TMC1: variants seen among roughly 807,000 people sequenced by gnomAD.
TMC1 encodes transmembrane channel-like protein 1.
TMC1 carries 84 observed loss-of-function variants against 105.8 expected under a neutral mutation model. The observed-to-expected ratio is 0.79, with a 90% CI of 0.67 to 0.95. The LOEUF is 0.95. TMC1 is among the 40% of genes least tolerant of loss of function. TMC1 has a pLI of 0.00. For missense variants in TMC1, 817 were observed against 914.1 expected, an observed-to-expected ratio of 0.89 and a Z score of 1.37; for synonymous variants, 315 against 311.5, an observed-to-expected ratio of 1.01 and a Z score of -0.12.
chr9:72,814,008 C>CT (rs1380779170), intron 18 of TMC1, among the ~76,000 whole-genome samples: 1 of 152,146 alleles, frequency 6.6e-6, no homozygotes, highest in Non-Finnish European at 1.5e-5. Context: ...GTCCTTTATG[C>CT]TTTTCTAGTC....
At chr9:72,547,455 A>C (rs1823791561) in intron 1 of TMC1, among the ~76,000 whole-genome samples, 1 of 152,164 alleles carries the variant, frequency 6.6e-6, no homozygotes, top group Non-Finnish European at 1.5e-5. Flanking sequence ...TTTGACTTTT[A>C]CCTGAACACT....
chr9:72,611,542 TTGTC>T (rs1825024524), intron 2 of TMC1, among the ~76,000 whole-genome samples: 1 of 151,922 alleles, frequency 6.6e-6, no homozygotes, highest in Non-Finnish European at 1.5e-5. Context: ...TCTTTCAAAA[TTGTC>T]TGTTAGTGCT....
At chr9:72,590,789 T>C (rs1824626501) in intron 2 of TMC1, among the ~76,000 whole-genome samples, 1 of 152,160 alleles carries the variant, frequency 6.6e-6, no homozygotes, top group Admixed American at 6.5e-5. Flanking sequence ...ATATAATTTA[T>C]TGTTGCAAAC....
At chr9:72,772,587 A>G (rs752447170) in intron 13 of TMC1, 32 bp downstream of exon 13, 3 of 1,613,210 alleles carry the variant, frequency 1.9e-6, no homozygotes, top group Non-Finnish European at 2.5e-6. Flanking sequence ...GGAAGCAAAT[A>G]ATGATTTCTG....
At chr9:72,697,018 T>C (rs1312544290) in intron 7 of TMC1, among the ~76,000 whole-genome samples, 1 of 152,174 alleles carries the variant, frequency 6.6e-6, no homozygotes, top group Admixed American at 6.6e-5. Flanking sequence ...GTAACTTATG[T>C]GTCAACAACT....
intron 7 of TMC1, among the ~76,000 whole-genome samples, chr9:72,697,774 G>A (rs1193750395): frequency 6.6e-6 from 1 of 151,980 alleles, no homozygotes; most frequent in Admixed American, 6.6e-5. Flanking sequence ...GAATTATTTT[G>A]AAATGGTTGG....
intron 4 of TMC1, among the ~76,000 whole-genome samples, chr9:72,647,178 C>A (rs982424478): frequency 2.0e-5 from 3 of 150,306 alleles, no homozygotes; most frequent in African/African-American, 7.3e-5. Flanking sequence ...AAAGAAAATG[C>A]TCTGTCAGTG....
chr9:72,594,869 C>CTT (rs141277773), intron 2 of TMC1, among the ~76,000 whole-genome samples: 2 of 143,814 alleles, frequency 1.4e-5, no homozygotes, highest in Non-Finnish European at 3.1e-5. Flanking sequence ...TCTTCTTCTT[C>CTT]TTTTTTTTTT....
chr9:72,550,732 G>GGTGT (rs1374976216), intron 1 of TMC1, among the ~76,000 whole-genome samples: 1 of 151,810 alleles, frequency 6.6e-6, no homozygotes, highest in African/African-American at 2.4e-5. Flanking sequence ...AAGGCTGGTG[G>GGTGT]GTGTGGTAGG....
At chr9:72,572,287 C>T (rs1824301527) in intron 1 of TMC1, among the ~76,000 whole-genome samples, 1 of 151,988 alleles carries the variant, frequency 6.6e-6, no homozygotes, top group African/African-American at 2.4e-5. Context: ...TCCCCTGCCT[C>T]CCAGGTGCAA....
At chr9:72,823,849 G>C (rs532031102) in intron 20 of TMC1, among the ~76,000 whole-genome samples, 1 of 152,096 alleles carries the variant, frequency 6.6e-6, no homozygotes, top group African/African-American at 2.4e-5. Context: ...ATGTGTTTAT[G>C]CTAGAAAACC....
At chr9:72,539,236 A>G (rs888577782) in intron 1 of TMC1, among the ~76,000 whole-genome samples, 1 of 151,156 alleles carries the variant, frequency 6.6e-6, no homozygotes, top group Non-Finnish European at 1.5e-5. Context: ...TACAAAAAAA[A>G]AACAACAACA....
Position 72,725,936 on chromosome 9 carries a change from C to T in TMC1, c.363-14183C>T, listed in dbSNP as rs556099323. 6.6e-5 allele frequency among the ~76,000 whole-genome samples: 10 copies of T among 152,052 alleles called. No individual in the cohort carries two copies. In the South Asian group the frequency reaches 1.0e-3, roughly 16 times the overall value. On this transcript the variant is annotated intron_variant, in intron 8 of 23. Coordinates refer to ENST00000297784, the MANE Select transcript of TMC1 (RefSeq NM_138691.3). ...CGATCTCCTGACCTCGTGATCCACC[C>T]GCCTCAGCCTCCCAAAGTGCTGGGA...
intron 5 of TMC1, among the ~76,000 whole-genome samples, chr9:72,683,974 A>C (rs1826336099): frequency 6.6e-6 from 1 of 150,862 alleles, no homozygotes; most frequent in South Asian, 2.1e-4. Flanking sequence ...CATACTTTTG[A>C]ATTGCTATAG....
intron 13 of TMC1, among the ~76,000 whole-genome samples, chr9:72,780,040 C>A (rs572673398): frequency 1.3e-5 from 2 of 152,188 alleles, no homozygotes; most frequent in East Asian, 3.9e-4. Context: ...ATAAAAAGAA[C>A]CCATCACACT....
At chr9:72,585,048 G>C (rs1483132288) in intron 2 of TMC1, among the ~76,000 whole-genome samples, 1 of 151,766 alleles carries the variant, frequency 6.6e-6, no homozygotes, top group African/African-American at 2.4e-5. Flanking sequence ...ACCTCCCAAA[G>C]TGCTGGGATT....
At position 72,717,133 on chromosome 9, in the gene TMC1, T is replaced by C. The variant is rs146645519; in HGVS notation, c.362+16490T>C. On this transcript the variant is annotated intron_variant, in intron 8 of 23. Coordinates refer to ENST00000297784, the MANE Select transcript of TMC1 (RefSeq NM_138691.3). ...CAATGAAATGAACTGGGTACCTCAG[T>C]TGGAAATGCAGAAATCACCCACCTT... Among the ~76,000 whole-genome samples the C allele has an allele frequency of 4.5e-3, 680 of 152,314 alleles. 4 individuals carry two copies. The highest frequency in any genetic ancestry group is 0.016 in the African/African-American group (655 of 41,578).
At chr9:72,821,311 C>T (rs879665915) in intron 20 of TMC1, among the ~76,000 whole-genome samples, 57 of 151,894 alleles carry the variant, frequency 3.8e-4, no homozygotes, top group Non-Finnish European at 6.2e-4. Flanking sequence ...CTGGCCAACA[C>T]GGTGAAACCT....
intron 6 of TMC1, among the ~76,000 whole-genome samples, chr9:72,694,086 T>C (rs1293379379): frequency 6.6e-6 from 1 of 152,154 alleles, no homozygotes; most frequent in East Asian, 1.9e-4. Flanking sequence ...TTATTCTAGT[T>C]TGTAGCACCT....
Sources: gnomAD v4.1 joint callset for allele counts (sites outside exome capture counted in the v4.1 genomes callset) on GRCh38, gnomAD v4.1.1 for gene constraint, MANE v1.5 for transcripts, NCBI Gene and HGNC (gene_info 2026-07-23, HGNC 2026-07-21) for gene names.